FER1L6: variants seen among roughly 807,000 people sequenced by gnomAD.
FER1L6 encodes fer-1-like protein 6.
FER1L6 carries 177 observed loss-of-function variants against 219.2 expected under a neutral mutation model. The observed-to-expected ratio is 0.81, with a 90% confidence interval of 0.71 to 0.91. The LOEUF (loss-of-function observed/expected upper bound fraction) is 0.91. Ranked by LOEUF, FER1L6 falls within the 40% of genes least tolerant of loss-of-function variation. FER1L6 has a pLI of 0.00. For missense variants in FER1L6, 2,153 were observed against 2,259.9 expected (o/e 0.95, Z 0.96); for synonymous variants, 768 against 824.3 (o/e 0.93, Z 1.17).
At position 124,118,944 on chromosome 8, in the gene FER1L6, A is replaced by T; in HGVS notation, c.5390A>T (p.Asn1797Ile). ...RKEPEPLAKP[N>I]RPDTSFSWFM... ...GAGCCAGAGCCCCTGGCCAAGCCCAAGTGAGTGGAGTTGCTAGTGGGAACA... is the reference window on the plus strand; with the variant it reads ...GAGCCAGAGCCCCTGGCCAAGCCCATGTGAGTGGAGTTGCTAGTGGGAACA... Residue 1797 changes from asparagine to isoleucine, a missense_variant and splice_region_variant, in exon 40 of 41, where the codon AAC becomes ATC. Physicochemically the swap from Asn to Ile is moderately radical, Grantham distance 149. Transcript: ENST00000522917. 6.2e-7 allele frequency: 1 copy of T among 1,610,850 alleles called. No individual in the cohort carries two copies. The highest frequency in any genetic ancestry group is 8.5e-7 in the Non-Finnish European group (1 of 1,178,716).
chr8:124,024,528 G>T (rs907862937), intron 18 of FER1L6, among the ~76,000 whole-genome samples: 1 of 152,090 alleles, frequency 6.6e-6, no homozygotes, highest in Non-Finnish European at 1.5e-5. Context: ...TGCTGCAAAA[G>T]ACATTATTTC....
intron 1 of FER1L6, among the ~76,000 whole-genome samples, chr8:123,954,325 A>G (rs773421677): frequency 1.3e-5 from 2 of 152,102 alleles, no homozygotes; most frequent in Non-Finnish European, 2.9e-5. Context: ...AGTGGTTCTC[A>G]GGCCTCTGCT....
At chr8:124,020,181 G>T (rs1029442742) in intron 16 of FER1L6, among the ~76,000 whole-genome samples, 1 of 152,166 alleles carries the variant, frequency 6.6e-6, no homozygotes, top group African/African-American at 2.4e-5. Context: ...ATCCATGTAA[G>T]ACGTGACTTG....
chr8:124,012,624 A>G (rs1161214676), intron 14 of FER1L6, among the ~76,000 whole-genome samples: 3 of 152,238 alleles, frequency 2.0e-5, no homozygotes, highest in African/African-American at 7.2e-5. Flanking sequence ...GAAATTGGGC[A>G]TAAATGGATT....
intron 12 of FER1L6, among the ~76,000 whole-genome samples, chr8:123,987,903 A>G (rs1464014717): frequency 6.6e-6 from 1 of 152,060 alleles, no homozygotes. Flanking sequence ...CGAGGTCAGG[A>G]GTTCGAGACC....
At chr8:124,095,083 C>G in intron 35 of FER1L6, 45 bp downstream of exon 35, 1 of 1,609,256 alleles carries the variant, frequency 6.2e-7, no homozygotes, top group South Asian at 1.1e-5. Context: ...ATCTTGTGTA[C>G]TGTAGAGTAA....
At chr8:124,080,756 T>C (rs1159029087) in intron 32 of FER1L6, among the ~76,000 whole-genome samples, 1 of 152,086 alleles carries the variant, frequency 6.6e-6, no homozygotes, top group Non-Finnish European at 1.5e-5. Flanking sequence ...CCTTAATAAG[T>C]CCTTTCAGTG....
At chr8:124,047,780 T>G (rs192127291) in intron 21 of FER1L6, 9 of 152,322 alleles carry the variant, frequency 5.9e-5, no homozygotes, top group African/African-American at 1.9e-4. Context: ...ATGCAAAAAC[T>G]TTTGTTCACC....
chr8:124,087,525 TTC>T (rs1821833391), intron 33 of FER1L6, among the ~76,000 whole-genome samples: 1 of 152,204 alleles, frequency 6.6e-6, no homozygotes, highest in Non-Finnish European at 1.5e-5. Context: ...CTATTTTGAA[TTC>T]TCTGTATGAA....
At chr8:124,070,288 G>A (rs1352007734) in intron 29 of FER1L6, among the ~76,000 whole-genome samples, 179 bp from the exon 30 acceptor site, 5 of 152,140 alleles carry the variant, frequency 3.3e-5, no homozygotes, top group African/African-American at 1.2e-4. Flanking sequence ...CATAGTAGTA[G>A]TTTCAGGAGT....
rs189307325 is a variant in FER1L6, at chr8:124,118,689, A to G, written c.5290-155A>G. On this transcript the variant is annotated intron_variant, in intron 39 of 40. Transcript: ENST00000522917. ...GTTCATCATAAAAATGGCTTCTCCC[A>G]GGACCAAAAAAAGCAACAACATTTA... Among the ~76,000 whole-genome samples, 175 of 152,356 alleles carry G rather than the reference A, an allele frequency of 1.1e-3. 1 individual carries two copies. In the Middle Eastern group the frequency reaches 0.014, roughly 12 times the overall value.
Position 124,111,559 on chromosome 8 carries a change from C to T in FER1L6, c.5290-7285C>T, listed in dbSNP as rs777992275. ...ATAAAAGAATGGCTACTCCATAGAC[C>T]GAGCAGCCCCAAGGGCTGCTAGTTG... On this transcript the variant is annotated intron_variant, in intron 39 of 40. Coordinates refer to ENST00000522917, the MANE Select transcript of FER1L6 (RefSeq NM_001039112.2). The surrounding 1 kb of genome is among the most constrained non-coding windows in gnomAD (Gnocchi z 5.0). 3.3e-5 allele frequency among the ~76,000 whole-genome samples: 5 copies of T among 152,144 alleles called. No homozygotes were observed. The highest frequency in any genetic ancestry group is 5.9e-5 in the Non-Finnish European group (4 of 68,014).
chr8:123,883,513 CAGAT>C (rs1337371349), intron 1 of FER1L6, among the ~76,000 whole-genome samples: 2 of 152,178 alleles, frequency 1.3e-5, no homozygotes, highest in East Asian at 1.9e-4. Context: ...AATTGAGAGA[CAGAT>C]AGGGACATTT....
rs2130561501 is a variant in FER1L6 at position 124,010,726 on chromosome 8, T to C, written c.1821+12T>C. On this transcript the variant is annotated intron_variant, in intron 14 of 40. Coordinates refer to ENST00000522917, the MANE Select transcript of FER1L6 (RefSeq NM_001039112.2). ...TGGCAGACTTCCTGGTAGGTGACTC[T>C]GACAGGTGATGGATTAGAGAATTGG... is the stretch of plus-strand genomic sequence containing the variant. 6.2e-7 allele frequency: 1 copy of C among 1,612,336 alleles called. No individual in the cohort carries two copies. The highest frequency in any genetic ancestry group is 8.5e-7 in the Non-Finnish European group (1 of 1,179,652).
chr8:123,966,416 A>G (rs1815544736), intron 5 of FER1L6, 126 bp downstream of exon 5: 3 of 1,192,666 alleles, frequency 2.5e-6, no homozygotes, highest in Non-Finnish European at 3.5e-6. Flanking sequence ...AGTTAAGCCC[A>G]TGGCAAACTG....
chr8:123,923,071 C>T (rs1813423774), intron 1 of FER1L6, among the ~76,000 whole-genome samples: 1 of 152,232 alleles, frequency 6.6e-6, no homozygotes, highest in East Asian at 1.9e-4. Flanking sequence ...CACATTTCTG[C>T]CGAATAAGCT....
chr8:123,970,528 G>T (rs1815757755), intron 6 of FER1L6, among the ~76,000 whole-genome samples: 1 of 152,082 alleles, frequency 6.6e-6, no homozygotes, highest in South Asian at 2.1e-4. Context: ...AATGAATAAA[G>T]AAATAGGAAC....
At chr8:123,937,841 A>G (rs560741443) in intron 1 of FER1L6, among the ~76,000 whole-genome samples, 21 of 152,336 alleles carry the variant, frequency 1.4e-4, no homozygotes, top group African/African-American at 4.6e-4. Context: ...GTTGCAATAT[A>G]CAGAGATATA....
chr8:124,095,135 A>G, intron 35 of FER1L6, 97 bp downstream of exon 35: 1 of 1,476,032 alleles, frequency 6.8e-7, no homozygotes, highest in Non-Finnish European at 9.2e-7. Context: ...CCTCAGGTAC[A>G]TTTAGCAATG....
Sources: allele counts gnomAD v4.1 joint callset (sites outside exome capture counted in the v4.1 genomes callset), GRCh38; gene constraint gnomAD v4.1.1; non-coding constraint Gnocchi (gnomAD v3.1); transcripts MANE v1.5; gene names NCBI Gene and HGNC (gene_info 2026-07-23, HGNC 2026-07-21).